The following GALNT10 variants were observed in gnomAD, a reference collection of about 807,000 sequenced individuals.
GALNT10 encodes the protein GalNAc transferase 10.
GALNT10 carries 41 observed loss-of-function variants against 75.0 expected under a neutral mutation model. The ratio of observed to expected loss-of-function variants is 0.55; its 90% confidence interval spans 0.43 to 0.71. GALNT10 has a LOEUF of 0.71. Among genes scored for constraint, GALNT10 ranks in the 30% least tolerant of loss-of-function variants. The pLI, the probability that GALNT10 is intolerant of heterozygous loss-of-function variation, is 0.00. For synonymous variants in GALNT10, 302 were observed against 313.0 expected, an observed-to-expected ratio of 0.96 and a Z score of 0.37; for missense variants, 727 against 818.5, an observed-to-expected ratio of 0.89 and a Z score of 1.36.
At chr5:154,272,702 A>G (rs1434626228) in intron 1 of GALNT10, among the ~76,000 whole-genome samples, 1 of 152,204 alleles carries the variant, frequency 6.6e-6, no homozygotes, top group African/African-American at 2.4e-5. Flanking sequence ...AACGATAATA[A>G]TAGTGCCACC....
intron 7 of GALNT10, among the ~76,000 whole-genome samples, chr5:154,403,407 G>A (rs1313203442): frequency 6.6e-6 from 1 of 152,312 alleles, no homozygotes; most frequent in Non-Finnish European, 1.5e-5. Context: ...TCCTCCCTGG[G>A]AGAGGGAGGC....
At position 154,386,423 on chromosome 5, in the gene GALNT10, C is replaced by T. The variant is rs1292113808; in HGVS notation, c.1049C>T (p.Ser350Phe). ...TGGGGAGGGGAGCAGTATGAAATCT[C>T]CTTCAAGGTGAGCCAGCTCTCCAGA... ...EIWGGEQYEI[S>F]FKVWMCGGRM... Residue 350 changes from serine to phenylalanine, a missense_variant, in exon 7 of 12, where the codon TCC (serine) becomes TTC (phenylalanine). Ser to Phe is a radical substitution (Grantham distance 155). Transcript: ENST00000297107. 3 of 1,600,998 alleles carry T rather than the reference C, an allele frequency of 1.9e-6. No individual in the cohort carries two copies. The highest frequency in any genetic ancestry group is 2.6e-6 in the Non-Finnish European group (3 of 1,168,082).
chr5:154,216,620 A>G (rs1031012069), intron 1 of GALNT10, among the ~76,000 whole-genome samples: 9 of 152,214 alleles, frequency 5.9e-5, no homozygotes, highest in African/African-American at 2.2e-4. Context: ...AGAAATTTGT[A>G]ATCATAAAAT....
chr5:154,407,975 A>T (rs185846387), intron 8 of GALNT10, among the ~76,000 whole-genome samples: 11 of 152,298 alleles, frequency 7.2e-5, no homozygotes, highest in Admixed American at 1.3e-4. Context: ...CAGAGTCAGC[A>T]GCCTGTTTTT....
chr5:154,396,255 GT>G (rs1756017204), intron 7 of GALNT10, among the ~76,000 whole-genome samples: 1 of 150,276 alleles, frequency 6.7e-6, no homozygotes, highest in Non-Finnish European at 1.5e-5. Flanking sequence ...TTTGTTTGGG[GT>G]TTCAACAGTC....
chr5:154,308,363 T>C (rs1754465220), intron 3 of GALNT10, among the ~76,000 whole-genome samples: 2 of 152,108 alleles, frequency 1.3e-5, no homozygotes, highest in African/African-American at 4.8e-5. Flanking sequence ...CATAATAATG[T>C]GGCCTTGGTG....
At chr5:154,194,159 C>G (rs1434687107) in intron 1 of GALNT10, among the ~76,000 whole-genome samples, 1 of 152,196 alleles carries the variant, frequency 6.6e-6, no homozygotes, top group Non-Finnish European at 1.5e-5. Flanking sequence ...TGAAAAATGA[C>G]TTCACTGGAT....
intron 1 of GALNT10, among the ~76,000 whole-genome samples, chr5:154,241,532 T>C (rs1753337712): frequency 7.1e-6 from 1 of 140,424 alleles, no homozygotes; most frequent in South Asian, 2.2e-4. Flanking sequence ...GTTAACAAGG[T>C]TTTTTTTTTT....
chr5:154,360,541 G>A (rs922924961), intron 4 of GALNT10, among the ~76,000 whole-genome samples: 1 of 150,944 alleles, frequency 6.6e-6, no homozygotes, highest in Non-Finnish European at 1.5e-5. Context: ...AAAAAAGCAA[G>A]TTGCACAACC....
In GALNT10 at chr5:154,298,472, A is replaced by G. The variant is rs1305414891; in HGVS notation, c.401+393A>G. Among the ~76,000 whole-genome samples the G allele has an allele frequency of 1.3e-5, 2 of 152,198 alleles. No individual in the cohort carries two copies. The highest frequency in any genetic ancestry group is 2.9e-5 in the Non-Finnish European group (2 of 68,038). ...TGTATCTTTGTTATAAACCATCTCT[A>G]ATCACATTGAGAGCAGACATATCAG... On this transcript the variant is annotated intron_variant, in intron 3 of 11. Transcript: ENST00000297107. The surrounding 1 kb of genome is among the most constrained non-coding windows in gnomAD (Gnocchi z 4.1).
chr5:154,402,209 G>A lies in GALNT10; in HGVS notation c.1057-1895G>A, dbSNP rs190325693. Among the ~76,000 whole-genome samples the A allele has an allele frequency of 3.5e-4, 53 of 152,292 alleles. No homozygotes were observed. The highest frequency in any genetic ancestry group is 9.7e-4 in the East Asian group (5 of 5,180). ...TGAGGGCCCTGCGGGAGCCCTGCCCGCGTCTCTGGCCTCCCCTCCCATCCC... is the reference window on the plus strand; with the variant it reads ...TGAGGGCCCTGCGGGAGCCCTGCCCACGTCTCTGGCCTCCCCTCCCATCCC... On this transcript the variant is annotated intron_variant, in intron 7 of 11. Coordinates refer to ENST00000297107, the MANE Select transcript of GALNT10 (RefSeq NM_198321.4). This position sits in a 1 kb window ranked among gnomAD's most constrained non-coding sequence, Gnocchi z 4.2.
At chr5:154,272,672 T>C (rs1039004952) in intron 1 of GALNT10, among the ~76,000 whole-genome samples, 2 of 152,188 alleles carry the variant, frequency 1.3e-5, no homozygotes, top group Non-Finnish European at 2.9e-5. Flanking sequence ...CCATGTCAGT[T>C]TCCTCATCTA....
intron 3 of GALNT10, among the ~76,000 whole-genome samples, chr5:154,310,315 CCT>C (rs1754494531): frequency 6.6e-6 from 1 of 152,054 alleles, no homozygotes; most frequent in Non-Finnish European, 1.5e-5. Context: ...ATGCAGCCTC[CCT>C]GTTTTGGTAG....
At chr5:154,398,346 T>C (rs1434312403) in intron 7 of GALNT10, among the ~76,000 whole-genome samples, 1 of 152,220 alleles carries the variant, frequency 6.6e-6, no homozygotes, top group Non-Finnish European at 1.5e-5. Flanking sequence ...CCTGTATTTG[T>C]CTGCATCTCG....
In GALNT10 at chr5:154,226,949, TA is replaced by T. The variant is rs35176270; in HGVS notation, c.159+35937del. On this transcript the variant is annotated intron_variant, in intron 1 of 11. Coordinates refer to ENST00000297107, the MANE Select transcript of GALNT10 (RefSeq NM_198321.4). ...ATGGAATCATACGGTATGTACTCTT[TA>T]AAAAAAAAAAAACTTCCTTTTTTCA... Among the ~76,000 whole-genome samples, 983 of 145,746 alleles carry T rather than the reference TA, an allele frequency of 6.7e-3. 8 individuals carry two copies. The highest frequency in any genetic ancestry group is 0.014 in the African/African-American group (559 of 39,948).
intron 10 of GALNT10, among the ~76,000 whole-genome samples, chr5:154,413,713 G>A (rs760273786): frequency 3.3e-5 from 5 of 152,182 alleles, no homozygotes; most frequent in Non-Finnish European, 5.9e-5. Flanking sequence ...CCAGGTGTTC[G>A]AGGTTACAGT....
chr5:154,273,999 G>A (rs1251826436), intron 1 of GALNT10, among the ~76,000 whole-genome samples: 2 of 152,180 alleles, frequency 1.3e-5, no homozygotes, highest in African/African-American at 4.8e-5. Flanking sequence ...TTTCTCTGGA[G>A]CCTCTTTCAC....
At chr5:154,222,904 T>A (rs1426597400) in intron 1 of GALNT10, among the ~76,000 whole-genome samples, 1 of 152,230 alleles carries the variant, frequency 6.6e-6, no homozygotes, top group Non-Finnish European at 1.5e-5. Flanking sequence ...CCTTTTTGTT[T>A]TCCTAATAAG....
At chr5:154,206,736 G>A (rs1775116944) in intron 1 of GALNT10, among the ~76,000 whole-genome samples, 1 of 152,264 alleles carries the variant, frequency 6.6e-6, no homozygotes, top group African/African-American at 2.4e-5. Flanking sequence ...GTGTCTGTTA[G>A]AGAGTAGCTG....
Sources: allele counts gnomAD v4.1 joint callset (sites outside exome capture counted in the v4.1 genomes callset), GRCh38; gene constraint gnomAD v4.1.1; non-coding constraint Gnocchi (gnomAD v3.1); transcripts MANE v1.5; gene names NCBI Gene and HGNC (gene_info 2026-07-23, HGNC 2026-07-21).